Variants in LY6S observed in about 807,000 individuals in gnomAD.
LY6S encodes lymphocyte antigen 6S.
the LY6S span, among the ~76,000 whole-genome samples, chr8:143,066,768 C>T: frequency 6.6e-6 from 1 of 152,082 alleles, no homozygotes; most frequent in Admixed American, 6.6e-5. Flanking sequence ...GACTTTGAAC[C>T]TGGGACTGCA....
chr8:143,059,622 C>A, the LY6S span: 1 of 152,116 alleles, frequency 6.6e-6, no homozygotes, highest in African/African-American at 2.4e-5. Flanking sequence ...CGCACGACCA[C>A]ACTCAGCTAA....
the LY6S span, chr8:143,044,757 C>G: frequency 2.2e-6 from 3 of 1,367,532 alleles, no homozygotes; most frequent in African/African-American, 1.5e-5. Flanking sequence ...TGCAGGAGGC[C>G]CCTTCCAAGA....
chr8:143,058,276 T>C, the LY6S span, among the ~76,000 whole-genome samples: 11 of 152,218 alleles, frequency 7.2e-5, no homozygotes, highest in African/African-American at 2.6e-4. Context: ...TTGCAGAGAC[T>C]GGTAGAGGCC....
the LY6S span, chr8:143,044,679 C>T: frequency 7.3e-7 from 1 of 1,367,156 alleles, no homozygotes; most frequent in Admixed American, 1.9e-5. Flanking sequence ...ACCCCAGGGA[C>T]TCACTGCCAA....
the LY6S span, chr8:143,042,999 C>T: frequency 1.0e-5 from 14 of 1,367,532 alleles, no homozygotes; most frequent in South Asian, 1.6e-4. Flanking sequence ...TTCCCCTGAT[C>T]TCATGGCTGA....
chr8:143,049,465 G>C, the LY6S span, among the ~76,000 whole-genome samples: 2 of 152,176 alleles, frequency 1.3e-5, no homozygotes, highest in East Asian at 3.9e-4. Context: ...CCATGAGTAG[G>C]TATTTATGGC....
At chr8:143,067,020 TG>T in the LY6S span, among the ~76,000 whole-genome samples, 4 of 152,156 alleles carry the variant, frequency 2.6e-5, no homozygotes, top group African/African-American at 4.8e-5. Context: ...TTTGGATCGT[TG>T]GGGTGGGTCC....
the LY6S span, among the ~76,000 whole-genome samples, chr8:143,065,717 C>T: frequency 4.6e-5 from 7 of 151,862 alleles, no homozygotes; most frequent in East Asian, 3.9e-4. Flanking sequence ...TGTGTGTGGC[C>T]GGTTGTCCCT....
chr8:143,043,313 G>A, the LY6S span: 1 of 1,191,892 alleles, frequency 8.4e-7, no homozygotes, highest in South Asian at 1.3e-5. Flanking sequence ...AGAGGAGGGA[G>A]AGCTTGTTCT....
chr8:143,044,240 A>G, the LY6S span: 18 of 455,986 alleles, frequency 3.9e-5, no homozygotes, highest in Non-Finnish European at 6.2e-5. Flanking sequence ...AGCTGGTGAG[A>G]CCCGCGGCAT....
At chr8:143,062,582 GA>G in the LY6S span, among the ~76,000 whole-genome samples, 1 of 152,190 alleles carries the variant, frequency 6.6e-6, no homozygotes, top group Admixed American at 6.5e-5. Flanking sequence ...GCTAAGGCAG[GA>G]AAATCATTGA....
the LY6S span, among the ~76,000 whole-genome samples, chr8:143,074,224 C>A: frequency 2.0e-5 from 3 of 150,710 alleles, no homozygotes. Context: ...AATATTGCTC[C>A]TATCCCATTC....
At chr8:143,069,441 C>G in the LY6S span, among the ~76,000 whole-genome samples, 7 of 152,178 alleles carry the variant, frequency 4.6e-5, no homozygotes, top group Non-Finnish European at 8.8e-5. Flanking sequence ...AATTATGTGC[C>G]TTCTTAGAAG....
At chr8:143,059,684 C>T in the LY6S span, 1 of 152,152 alleles carries the variant, frequency 6.6e-6, no homozygotes, top group African/African-American at 2.4e-5. Flanking sequence ...CCTGGCTGGT[C>T]TTGAACTCCT....
the LY6S span, among the ~76,000 whole-genome samples, chr8:143,046,797 C>T: frequency 6.6e-6 from 1 of 151,610 alleles, no homozygotes; most frequent in Non-Finnish European, 1.5e-5. Context: ...GTCAGGAGTT[C>T]GAGATCGGCC....
the LY6S span, among the ~76,000 whole-genome samples, chr8:143,061,501 T>TTTGGTTGG: frequency 3.4e-5 from 5 of 148,878 alleles, no homozygotes; most frequent in African/African-American, 7.7e-5. Context: ...GGTTTGTTTG[T>TTTGGTTGG]TTGGTTGGTT....
At chr8:143,056,401 A>T in the LY6S span, among the ~76,000 whole-genome samples, 3 of 152,016 alleles carry the variant, frequency 2.0e-5, no homozygotes, top group African/African-American at 2.4e-5. Context: ...AAGTCATCTT[A>T]AAGTAATATT....
chr8:143,073,998 C>T, the LY6S span, among the ~76,000 whole-genome samples: 1 of 152,096 alleles, frequency 6.6e-6, no homozygotes, highest in East Asian at 1.9e-4. Flanking sequence ...TTTGAGGAGA[C>T]AGCCGTCGTC....
the LY6S span, among the ~76,000 whole-genome samples, chr8:143,072,742 G>A: frequency 1.4e-5 from 2 of 138,314 alleles, no homozygotes; most frequent in African/African-American, 5.5e-5. Flanking sequence ...TGAGGAGACA[G>A]CCGTCGTCCT....
Sources: allele counts gnomAD v4.1 joint callset (sites outside exome capture counted in the v4.1 genomes callset), GRCh38; gene constraint gnomAD v4.1.1; transcripts MANE v1.5; gene names NCBI Gene and HGNC (gene_info 2026-07-23, HGNC 2026-07-21).